Variants in SUCLG2 observed in about 807,000 individuals in gnomAD.
SUCLG2 encodes succinate-CoA ligase GDP-forming subunit beta, also known as succinate--CoA ligase [GDP-forming] subunit beta, mitochondrial.
A neutral mutation model predicts 47.9 loss-of-function variants in SUCLG2; 42 were observed. The observed-to-expected ratio is 0.88, with a 90% confidence interval of 0.69 to 1.14. The LOEUF is 1.14. Among genes scored for constraint, SUCLG2 ranks in the 50% most tolerant of loss-of-function variants. SUCLG2 has a pLI of 0.00. For synonymous variants in SUCLG2, 195 were observed against 197.3 expected (o/e 0.99, Z 0.10); for missense variants, 571 against 525.9 (o/e 1.09, Z -0.84).
chr3:67,552,632 T>G (rs1427831572), intron 2 of SUCLG2, among the ~76,000 whole-genome samples: 1 of 152,234 alleles, frequency 6.6e-6, no homozygotes, highest in Non-Finnish European at 1.5e-5. Flanking sequence ...GTTCAACTCT[T>G]TCTACTTAGC....
intron 1 of SUCLG2, among the ~76,000 whole-genome samples, chr3:67,644,899 T>C (rs1423007615): frequency 6.6e-6 from 1 of 152,132 alleles, no homozygotes; most frequent in African/African-American, 2.4e-5. Context: ...TAATTTTACC[T>C]AAATTATGAC....
chr3:67,609,686 T>A, intron 1 of SUCLG2, 90 bp from the exon 2 acceptor site: 1 of 1,249,316 alleles, frequency 8.0e-7, no homozygotes, highest in South Asian at 1.7e-5. Context: ...GAGGTACTGT[T>A]GACTGGCAAT....
chr3:67,466,182 G>A (rs1334762550), intron 9 of SUCLG2, among the ~76,000 whole-genome samples: 2 of 151,876 alleles, frequency 1.3e-5, no homozygotes, highest in Non-Finnish European at 2.9e-5. Flanking sequence ...GTGAAACTCC[G>A]TCTCTATCGA....
At chr3:67,576,796 AG>A (rs760865081) in intron 2 of SUCLG2, among the ~76,000 whole-genome samples, 35 of 152,252 alleles carry the variant, frequency 2.3e-4, no homozygotes, top group Non-Finnish European at 2.1e-4. Flanking sequence ...ATGTAAGTTG[AG>A]AAGACAGAAA....
At chr3:67,578,353 A>G (rs1287586716) in intron 2 of SUCLG2, among the ~76,000 whole-genome samples, 1 of 151,114 alleles carries the variant, frequency 6.6e-6, no homozygotes, top group Non-Finnish European at 1.5e-5. Flanking sequence ...GTAAAGAAAT[A>G]GTGGCAACTA....
At chr3:67,629,896 C>T (rs1359908072) in intron 1 of SUCLG2, among the ~76,000 whole-genome samples, 1 of 152,106 alleles carries the variant, frequency 6.6e-6, no homozygotes, top group Non-Finnish European at 1.5e-5. Flanking sequence ...TATATATATT[C>T]ATTATACCAC....
At chr3:67,556,260 G>A (rs187913460) in intron 2 of SUCLG2, among the ~76,000 whole-genome samples, 187 of 152,286 alleles carry the variant, frequency 1.2e-3, no homozygotes, top group African/African-American at 4.3e-3. Flanking sequence ...CTTTCAGTGG[G>A]CTTTGTGTCC....
chr3:67,465,276 T>G (rs1240748832), intron 9 of SUCLG2, among the ~76,000 whole-genome samples: 3 of 152,176 alleles, frequency 2.0e-5, no homozygotes, highest in Non-Finnish European at 4.4e-5. Flanking sequence ...AACTTCCTGA[T>G]TTGGCCTGCA....
At chr3:67,624,300 G>A (rs1700785684) in intron 1 of SUCLG2, among the ~76,000 whole-genome samples, 1 of 152,206 alleles carries the variant, frequency 6.6e-6, no homozygotes, top group South Asian at 2.1e-4. Flanking sequence ...GGAAATTCCT[G>A]AGATCATCTG....
chr3:67,363,089 A>G (rs1701827463), intron 10 of SUCLG2, among the ~76,000 whole-genome samples: 1 of 152,184 alleles, frequency 6.6e-6, no homozygotes, highest in Non-Finnish European at 1.5e-5. Flanking sequence ...TTTAGGTTCT[A>G]CTTCCAACCA....
chr3:67,372,573 T>A (rs1701969556), downstream of SUCLG2, among the ~76,000 whole-genome samples: 1 of 152,128 alleles, frequency 6.6e-6, no homozygotes, highest in Non-Finnish European at 1.5e-5. Flanking sequence ...ACAGCATATG[T>A]TCAAAAGTGC....
intron 9 of SUCLG2, among the ~76,000 whole-genome samples, chr3:67,401,404 C>G (rs921540964): frequency 6.6e-6 from 1 of 151,950 alleles, no homozygotes; most frequent in Non-Finnish European, 1.5e-5. Flanking sequence ...TAGACAGCAA[C>G]CTTTTGATTA....
chr3:67,642,414 G>A (rs1482663737), intron 1 of SUCLG2, among the ~76,000 whole-genome samples: 2 of 151,932 alleles, frequency 1.3e-5, no homozygotes, highest in Admixed American at 6.6e-5. Context: ...AGACCAACCT[G>A]GGCAACAAAG....
chr3:67,497,087 T>C (rs982552301), intron 8 of SUCLG2, among the ~76,000 whole-genome samples: 1 of 152,152 alleles, frequency 6.6e-6, no homozygotes, highest in African/African-American at 2.4e-5. Context: ...CCTACAAATA[T>C]TGAGAGTGCA....
At chr3:67,370,957 T>C (rs1701944883), downstream of SUCLG2, among the ~76,000 whole-genome samples, 2 of 152,218 alleles carry the variant, frequency 1.3e-5, no homozygotes, top group African/African-American at 4.8e-5. Flanking sequence ...TTATTTGTTT[T>C]GCTCAGGGCA....
intron 2 of SUCLG2, among the ~76,000 whole-genome samples, chr3:67,549,821 T>C (rs1299892583): frequency 6.6e-6 from 1 of 152,118 alleles, no homozygotes. Flanking sequence ...CTCTGATTAC[T>C]GGTAGAGAAA....
At chr3:67,629,987 A>G (rs944442999) in intron 1 of SUCLG2, among the ~76,000 whole-genome samples, 1 of 152,132 alleles carries the variant, frequency 6.6e-6, no homozygotes, top group Admixed American at 6.5e-5. Flanking sequence ...TTGCAACCCT[A>G]AAAACACAAA....
At chr3:67,467,685 GAAT>G (rs1448560692) in intron 9 of SUCLG2, among the ~76,000 whole-genome samples, 11 of 152,020 alleles carry the variant, frequency 7.2e-5, no homozygotes, top group Admixed American at 6.6e-4. Flanking sequence ...TAATGGAAAT[GAAT>G]AATAATTAAA....
intron 10 of SUCLG2, among the ~76,000 whole-genome samples, chr3:67,396,717 C>A (rs1271469414): frequency 2.0e-5 from 3 of 151,918 alleles, no homozygotes; most frequent in Admixed American, 6.5e-5. Flanking sequence ...GAGACACAAC[C>A]AAAAAAGAGA....
Sources: allele counts gnomAD v4.1 joint callset (sites outside exome capture counted in the v4.1 genomes callset), GRCh38; gene constraint gnomAD v4.1.1; transcripts MANE v1.5; gene names NCBI Gene and HGNC (gene_info 2026-07-23, HGNC 2026-07-21).